Variants in LMCD1 observed in about 807,000 individuals in gnomAD.
LMCD1 encodes LIM and cysteine-rich domains protein 1.
In LMCD1, 32 loss-of-function variants were observed where a neutral mutation model predicts 42.7. That is an observed-to-expected ratio of 0.75 (90% CI 0.57 to 1.01). The LOEUF (loss-of-function observed/expected upper bound fraction) is 1.01, where lower values mean the gene tolerates loss of function less well. Among genes scored for constraint, LMCD1 ranks in the 50% least tolerant of loss-of-function variants. LMCD1 has a pLI of 0.00. For synonymous variants in LMCD1, 178 were observed against 184.9 expected (o/e 0.96, Z 0.30); for missense variants, 458 against 483.1 (o/e 0.95, Z 0.49).
At chr3:8,547,240 T>C (rs980401326) in intron 3 of LMCD1, among the ~76,000 whole-genome samples, 24 of 152,348 alleles carry the variant, frequency 1.6e-4, no homozygotes, top group Admixed American at 6.5e-4. Context: ...CGCAAGATTG[T>C]TCCCTGTCCC....
intron 1 of LMCD1, among the ~76,000 whole-genome samples, chr3:8,520,629 C>CT (rs1407297798): frequency 6.6e-6 from 1 of 152,112 alleles, no homozygotes; most frequent in East Asian, 1.9e-4. Flanking sequence ...ATGCTGGTGG[C>CT]TTTACTACAT....
At chr3:8,536,334 T>A (rs1463291817) in intron 2 of LMCD1, among the ~76,000 whole-genome samples, 3 of 152,230 alleles carry the variant, frequency 2.0e-5, no homozygotes, top group African/African-American at 7.2e-5. Context: ...ACTCTCTTGA[T>A]TTCTAAACCT....
chr3:8,566,331 C>A (rs182849123), intron 5 of LMCD1, among the ~76,000 whole-genome samples: 2 of 152,282 alleles, frequency 1.3e-5, no homozygotes, highest in Non-Finnish European at 2.9e-5. Flanking sequence ...ATTTGCATGC[C>A]TTTGGTTGCA....
intron 1 of LMCD1, among the ~76,000 whole-genome samples, chr3:8,502,362 T>TTATATATAAAATATATATAATATATATTA (rs777242922): frequency 1.4e-5 from 1 of 70,092 alleles, no homozygotes; most frequent in African/African-American, 6.8e-5. Context: ...ATAATATATA[T>TTATATATAAAATATATATAATATATATTA]TATATAAAAT....
chr3:8,537,630 T>G, intron 3 of LMCD1, 190 bp downstream of exon 3: 1 of 589,918 alleles, frequency 1.7e-6, no homozygotes, highest in Non-Finnish European at 2.8e-6. Context: ...GGGCCTCGGT[T>G]TTCCTTATCC....
chr3:8,549,185 G>A (rs1694795908), intron 4 of LMCD1, among the ~76,000 whole-genome samples: 1 of 152,294 alleles, frequency 6.6e-6, no homozygotes, highest in Non-Finnish European at 1.5e-5. Context: ...GTGAGGGTAA[G>A]CTTCAAGAAG....
At position 8,567,489 on chromosome 3, in the gene LMCD1, G is replaced by T; in HGVS notation, c.989G>T (p.Arg330Leu). 6.2e-7 allele frequency: 1 copy of T among 1,613,922 alleles called. No homozygotes were observed. The highest frequency in any genetic ancestry group is 8.5e-7 in the Non-Finnish European group (1 of 1,179,986). The change falls in exon 6 of 6, where the codon CGA becomes CTA. Residue 330 changes from arginine to leucine, a missense_variant. By Grantham distance (102) the Arg-to-Leu change is moderately radical (BLOSUM62 -2). Coordinates refer to ENST00000157600, the MANE Select transcript of LMCD1 (RefSeq NM_014583.4). Reference sequence around the variant, plus strand: ...CGTGTGGAAGATCTGGCCTGGCACCGAAAGCACTTTGTCTGTGAGGGTTGT... The same window carrying T: ...CGTGTGGAAGATCTGGCCTGGCACCTAAAGCACTTTGTCTGTGAGGGTTGT... ...YQRVEDLAWH[R>L]KHFVCEGCEQ...
At chr3:8,538,011 A>C (rs1694543880) in intron 3 of LMCD1, among the ~76,000 whole-genome samples, 1 of 152,188 alleles carries the variant, frequency 6.6e-6, no homozygotes. Context: ...AGAGAGAGCA[A>C]GTGACTCACA....
intron 4 of LMCD1, among the ~76,000 whole-genome samples, chr3:8,557,943 G>A (rs1694956484): frequency 6.6e-6 from 1 of 152,124 alleles, no homozygotes; most frequent in Non-Finnish European, 1.5e-5. Context: ...CACACAGCAG[G>A]GACCCTCCAT....
In LMCD1 at chr3:8,571,452, C is replaced by A. The variant is rs1434777658; in HGVS notation, c.*3854C>A. On this transcript the variant is annotated 3_prime_UTR_variant, in exon 6 of 6. Transcript: ENST00000157600. ...GGCAGCCTACACATTGCCACCACAC[C>A]CCACTTCCTTCTTCCTAGTGGCAAG... The A allele has an allele frequency of 1.3e-5, 2 of 152,146 alleles. No homozygotes were observed. Among genetic ancestry groups the A allele is most frequent in the Non-Finnish European group, 2.9e-5 (2 of 68,026 alleles). 9.4% of individuals were successfully genotyped at this position (152,146 alleles called of 1,614,324 possible).
chr3:8,503,246 CACAA>C (rs569703412), intron 1 of LMCD1, among the ~76,000 whole-genome samples: 2 of 152,298 alleles, frequency 1.3e-5, no homozygotes, highest in South Asian at 4.1e-4. Context: ...AAACTAAAGA[CACAA>C]ACAGCCACTC....
At chr3:8,503,204 T>G (rs536461702) in intron 1 of LMCD1, among the ~76,000 whole-genome samples, 10 of 152,210 alleles carry the variant, frequency 6.6e-5, no homozygotes, top group Admixed American at 5.9e-4. Flanking sequence ...CAGGGTAGAA[T>G]GAGAGGGGGA....
intron 4 of LMCD1, among the ~76,000 whole-genome samples, chr3:8,552,212 G>C (rs1157320570): frequency 1.3e-5 from 2 of 152,212 alleles, no homozygotes; most frequent in Non-Finnish European, 2.9e-5. Flanking sequence ...ATGTGAAGTG[G>C]CTGTGCCTCC....
Position 8,571,960 on chromosome 3 carries a change from C to T in LMCD1, c.*4362C>T, listed in dbSNP as rs879264386. 4.6e-5 allele frequency: 7 copies of T among 152,304 alleles called. 1 individual carries two copies. The highest frequency in any genetic ancestry group is 1.9e-4 in the East Asian group (1 of 5,188). The allele number at this position is 152,304 out of a possible 1,614,324, so 9.4% of individuals were successfully genotyped here. On this transcript the variant is annotated 3_prime_UTR_variant, in exon 6 of 6. Transcript: ENST00000157600. ...ACAACCATCAAAATCAGGAAGTTAA[C>T]GCTGATGTGTTTCTACCATGTAATC...
At chr3:8,534,930 A>G (rs765132564) in intron 2 of LMCD1, among the ~76,000 whole-genome samples, 30 of 152,198 alleles carry the variant, frequency 2.0e-4, no homozygotes, top group Non-Finnish European at 1.2e-4. Context: ...AACATCTCAG[A>G]TCTGTTAACT....
chr3:8,502,328 T>TATAG (rs1278745117), intron 1 of LMCD1, among the ~76,000 whole-genome samples: 2 of 6,484 alleles, frequency 3.1e-4, no homozygotes, highest in African/African-American at 7.8e-4. Context: ...ATATTATATA[T>TATAG]AATATATATT....
chr3:8,549,526 C>T (rs1694801790), intron 4 of LMCD1, among the ~76,000 whole-genome samples: 1 of 152,040 alleles, frequency 6.6e-6, no homozygotes, highest in Non-Finnish European at 1.5e-5. Context: ...GGACACTGTC[C>T]CCAAACTGCA....
At chr3:8,553,114 T>A (rs1017572449) in intron 4 of LMCD1, among the ~76,000 whole-genome samples, 4 of 152,172 alleles carry the variant, frequency 2.6e-5, no homozygotes, top group African/African-American at 9.7e-5. Context: ...TCTACCACAC[T>A]ATGCTCTGTA....
chr3:8,557,324 C>T (rs1203189823), intron 4 of LMCD1, among the ~76,000 whole-genome samples: 1 of 152,204 alleles, frequency 6.6e-6, no homozygotes. Flanking sequence ...TGGAGAGATG[C>T]TGTTTATAAA....
Sources: allele counts gnomAD v4.1 joint callset (sites outside exome capture counted in the v4.1 genomes callset), GRCh38; gene constraint gnomAD v4.1.1; transcripts MANE v1.5; gene names NCBI Gene and HGNC (gene_info 2026-07-23, HGNC 2026-07-21).